FARP1: variants seen among roughly 807,000 people sequenced by gnomAD.
FARP1 encodes the protein FERM, ARH/RhoGEF and pleckstrin domain protein 1, also known as FERM, ARHGEF and pleckstrin domain-containing protein 1.
FARP1 carries 52 observed loss-of-function variants against 128.8 expected under a neutral mutation model. The observed-to-expected ratio is 0.40, with a 90% CI of 0.32 to 0.51. The LOEUF (loss-of-function observed/expected upper bound fraction) is 0.51, where lower values mean the gene tolerates loss of function less well. FARP1 is among the 20% of genes least tolerant of loss of function. The pLI, the probability that FARP1 is intolerant of heterozygous loss-of-function variation, is 0.45. For synonymous variants in FARP1, 580 were observed against 551.8 expected, an observed-to-expected ratio of 1.05 and a Z score of -0.72; for missense variants, 1,333 against 1,367.9, an observed-to-expected ratio of 0.97 and a Z score of 0.40.
chr13:98,395,151 C>CTTTTCTGT, intron 12 of FARP1, 76 bp from the exon 13 acceptor site: 1 of 1,497,442 alleles, frequency 6.7e-7, no homozygotes, highest in South Asian at 1.4e-5. Context: ...CCTGGCTCTC[C>CTTTTCTGT]TTTTCTGTTT....
At chr13:98,323,028 C>T (rs1168179629) in intron 2 of FARP1, among the ~76,000 whole-genome samples, 2 of 152,106 alleles carry the variant, frequency 1.3e-5, no homozygotes, top group Non-Finnish European at 2.9e-5. Flanking sequence ...TGGTTGCTGG[C>T]ACTACACAAT....
chr13:98,293,083 T>C (rs930715496), intron 2 of FARP1, among the ~76,000 whole-genome samples: 1 of 152,172 alleles, frequency 6.6e-6, no homozygotes, highest in Non-Finnish European at 1.5e-5. Flanking sequence ...GGGTATGTGA[T>C]CTGACTTTGA....
chr13:98,223,670 C>G (rs1166565160), intron 2 of FARP1, among the ~76,000 whole-genome samples: 1 of 152,182 alleles, frequency 6.6e-6, no homozygotes, highest in African/African-American at 2.4e-5. Context: ...ATCTGTGGCT[C>G]TGGAAATTAA....
At chr13:98,286,718 A>G (rs1001449366) in intron 2 of FARP1, among the ~76,000 whole-genome samples, 2 of 152,200 alleles carry the variant, frequency 1.3e-5, no homozygotes, top group African/African-American at 4.8e-5. Flanking sequence ...GAGACAACAC[A>G]TTGATTACCG....
intron 13 of FARP1, chr13:98,398,871 A>G (rs1209884562): frequency 6.7e-6 from 1 of 148,256 alleles, no homozygotes; most frequent in Non-Finnish European, 1.5e-5. Flanking sequence ...AGCACTAGGT[A>G]TGAACTTACA....
intron 19 of FARP1, chr13:98,435,925 C>T (rs193130729): frequency 3.1e-6 from 2 of 645,692 alleles, no homozygotes; most frequent in East Asian, 3.3e-5. Flanking sequence ...TCTGCTTTTT[C>T]TCCTTACGGG....
At chr13:98,290,009 C>T (rs1245252200) in intron 2 of FARP1, among the ~76,000 whole-genome samples, 5 of 151,952 alleles carry the variant, frequency 3.3e-5, no homozygotes, top group African/African-American at 1.2e-4. Context: ...CCATTTTACA[C>T]CTTTCAGTAC....
Position 98,384,844 on chromosome 13 carries a change from T to A in FARP1, c.611T>A (p.Ile204Asn), listed in dbSNP as rs559245419. 1 of 1,583,608 alleles carries A rather than the reference T, an allele frequency of 6.3e-7. No individual in the cohort carries two copies. The highest frequency in any genetic ancestry group is 8.7e-7 in the Non-Finnish European group (1 of 1,152,274). The change falls in exon 7 of 27, where the codon ATT (isoleucine) becomes AAT (asparagine). Residue 204 changes from isoleucine to asparagine, a missense_variant and splice_region_variant. By Grantham distance (149) the Ile-to-Asn change is moderately radical. Coordinates refer to ENST00000319562, the MANE Select transcript of FARP1 (RefSeq NM_005766.4). ...ATCGTGGAATTTCACCATAACCACA[T>A]GTAAGTCTCATTCTTGGCTTCATAT... Reference protein sequence around the residue: ...DKIVEFHHNHIGQTPAESDFQ... With the variant: ...DKIVEFHHNHNGQTPAESDFQ...
At chr13:98,265,519 C>T (rs1371774888) in intron 2 of FARP1, among the ~76,000 whole-genome samples, 3 of 150,914 alleles carry the variant, frequency 2.0e-5, no homozygotes, top group Non-Finnish European at 2.9e-5. Context: ...CGGGGTTTCA[C>T]CGTTTTAGCC....
intron 1 of FARP1, among the ~76,000 whole-genome samples, chr13:98,185,161 A>G (rs990346397): frequency 8.5e-5 from 13 of 152,230 alleles, no homozygotes; most frequent in African/African-American, 2.9e-4. Flanking sequence ...TTGAGTATTC[A>G]TTACTTCTGT....
Position 98,440,807 on chromosome 13 carries a change from T to A in FARP1, c.2767T>A (p.Ser923Thr). 3 of 1,611,586 alleles carry A rather than the reference T, an allele frequency of 1.9e-6. No individual in the cohort carries two copies. Among genetic ancestry groups the A allele is most frequent in the Non-Finnish European group, 2.5e-6 (3 of 1,179,418 alleles). Reference protein sequence around the residue: ...HVCWHRNTSVSMVDFSIAVEN... With the variant: ...HVCWHRNTSVTMVDFSIAVEN... ...GTGCTGGCACCGCAACACCAGCGTC[T>A]CCATGGTGGACTTCAGCATCGCAGT... Residue 923 changes from serine (S) to threonine (T), a missense_variant, in exon 24 of 27, where the codon TCC becomes ACC. Ser to Thr is a moderately conservative substitution (Grantham distance 58). Coordinates refer to ENST00000319562, the MANE Select transcript of FARP1 (RefSeq NM_005766.4).
intron 2 of FARP1, chr13:98,329,854 C>T (rs942300524): frequency 6.6e-6 from 1 of 152,084 alleles, no homozygotes; most frequent in African/African-American, 2.4e-5. Flanking sequence ...GATCCATATC[C>T]TGAGGGAGTG....
At chr13:98,232,518 G>A (rs1882191636) in intron 2 of FARP1, among the ~76,000 whole-genome samples, 1 of 152,108 alleles carries the variant, frequency 6.6e-6, no homozygotes, top group South Asian at 2.1e-4. Flanking sequence ...TCTGCATTTC[G>A]CATGTCTATT....
intron 16 of FARP1, among the ~76,000 whole-genome samples, chr13:98,422,032 C>T (rs1361963213): frequency 2.0e-5 from 3 of 152,050 alleles, no homozygotes; most frequent in African/African-American, 7.2e-5. Flanking sequence ...GCATCATGAA[C>T]CGAAACCACG....
chr13:98,421,480 T>C (rs1891591145), intron 16 of FARP1, among the ~76,000 whole-genome samples: 1 of 152,194 alleles, frequency 6.6e-6, no homozygotes, highest in African/African-American at 2.4e-5. Context: ...ATCTAAATGA[T>C]GTCCTCTGAA....
chr13:98,244,442 C>A, intron 2 of FARP1: 1 of 1,542,766 alleles, frequency 6.5e-7, no homozygotes, highest in Non-Finnish European at 8.8e-7. Context: ...AAAACAACAA[C>A]AAAAAGCGCC....
intron 2 of FARP1, among the ~76,000 whole-genome samples, chr13:98,264,115 C>T (rs1883997544): frequency 1.3e-5 from 2 of 152,126 alleles, no homozygotes; most frequent in African/African-American, 4.8e-5. Context: ...CTACCTCTGC[C>T]CTAATGTGCT....
At chr13:98,420,334 G>A (rs1159839093) in intron 16 of FARP1, among the ~76,000 whole-genome samples, 3 of 152,144 alleles carry the variant, frequency 2.0e-5, no homozygotes, top group Admixed American at 1.3e-4. Context: ...GGGGTGATGG[G>A]CAGAATACTC....
chr13:98,174,186 C>T (rs565096921), intron 1 of FARP1, among the ~76,000 whole-genome samples: 1 of 152,200 alleles, frequency 6.6e-6, no homozygotes, highest in Non-Finnish European at 1.5e-5. Context: ...TACTAGTGAT[C>T]GCCTTTCTGC....
Sources: gnomAD v4.1 joint callset for allele counts (sites outside exome capture counted in the v4.1 genomes callset) on GRCh38, gnomAD v4.1.1 for gene constraint, MANE v1.5 for transcripts, NCBI Gene and HGNC (gene_info 2026-07-23, HGNC 2026-07-21) for gene names.